The following ERC2 variants were observed in gnomAD, a reference collection of about 807,000 sequenced individuals.
ERC2 encodes ELKS/RAB6-interacting/CAST family member 2, also known as ERC protein 2.
ERC2 carries 42 observed loss-of-function variants against 114.8 expected under a neutral mutation model. The observed-to-expected ratio is 0.37, with a 90% CI of 0.29 to 0.47. The LOEUF (loss-of-function observed/expected upper bound fraction) is 0.47. Ranked by LOEUF, ERC2 falls within the 20% of genes least tolerant of loss-of-function variation. The pLI, the probability that ERC2 is intolerant of heterozygous loss-of-function variation, is 0.99. For missense variants in ERC2, 939 were observed against 1,150.7 expected (o/e 0.82, Z 2.66); for synonymous variants, 454 against 425.5 (o/e 1.07, Z -0.82).
intron 17 of ERC2, among the ~76,000 whole-genome samples, chr3:55,594,840 C>T (rs565305945): frequency 6.6e-6 from 1 of 152,142 alleles, no homozygotes; most frequent in East Asian, 1.9e-4. Context: ...TACATGATAA[C>T]CTTTCTCAGT....
intron 17 of ERC2, among the ~76,000 whole-genome samples, chr3:55,647,575 T>TA (rs1469183446): frequency 4.0e-5 from 6 of 151,714 alleles, no homozygotes; most frequent in African/African-American, 7.3e-5. Flanking sequence ...CAAGGAAAAT[T>TA]AAAAAAAGAG....
At chr3:55,572,139 A>C (rs999824128) in intron 17 of ERC2, among the ~76,000 whole-genome samples, 1 of 152,246 alleles carries the variant, frequency 6.6e-6, no homozygotes, top group East Asian at 1.9e-4. Context: ...ATCATGAGGC[A>C]TTCCAGCTAG....
intron 3 of ERC2, among the ~76,000 whole-genome samples, chr3:56,215,844 C>G (rs952998636): frequency 6.6e-6 from 1 of 152,180 alleles, no homozygotes; most frequent in Non-Finnish European, 1.5e-5. Context: ...GAAACTCACT[C>G]AAAACCGCTC....
chr3:55,999,394 C>A (rs2071854375), intron 10 of ERC2, among the ~76,000 whole-genome samples: 1 of 152,034 alleles, frequency 6.6e-6, no homozygotes, highest in Non-Finnish European at 1.5e-5. Context: ...TTCCTTTCGA[C>A]CCTAGAAATA....
At chr3:55,909,527 GA>G (rs2064674130) in intron 13 of ERC2, among the ~76,000 whole-genome samples, 1 of 124,396 alleles carries the variant, frequency 8.0e-6, no homozygotes, top group East Asian at 2.2e-4. Context: ...CTCACAGACA[GA>G]AGGGGTTTGA....
intron 15 of ERC2, among the ~76,000 whole-genome samples, chr3:55,726,287 G>T (rs1387220332): frequency 6.6e-6 from 1 of 152,212 alleles, no homozygotes; most frequent in Non-Finnish European, 1.5e-5. Context: ...CACAACAGGA[G>T]GCTATGGGAA....
chr3:56,096,511 C>CA (rs1560166236), intron 6 of ERC2, among the ~76,000 whole-genome samples: 1 of 151,238 alleles, frequency 6.6e-6, no homozygotes, highest in Non-Finnish European at 1.5e-5. Flanking sequence ...TGGTATGAAG[C>CA]AAAAAAAGGG....
At chr3:55,871,403 C>T (rs1030786977) in intron 14 of ERC2, among the ~76,000 whole-genome samples, 6 of 152,152 alleles carry the variant, frequency 3.9e-5, no homozygotes, top group Admixed American at 2.6e-4. Flanking sequence ...TCAGACCTCA[C>T]CAGAGATTCA....
chr3:55,936,416 T>C (rs2066448731), intron 13 of ERC2, among the ~76,000 whole-genome samples: 3 of 152,212 alleles, frequency 2.0e-5, no homozygotes, highest in African/African-American at 2.4e-5. Flanking sequence ...TATGTGCTCA[T>C]GGGAAAGACA....
rs576470238 is a variant in ERC2 at position 56,110,546 on chromosome 3, T to C, written c.1473+28963A>G. The stretch of plus-strand genomic sequence containing the variant: ...ATTTTGGCTATATTATAAATGCAAC[T>C]ATATTTAATATAATGTACATACAAC... On this transcript the variant is annotated intron_variant, in intron 6 of 17. Coordinates refer to ENST00000288221, the MANE Select transcript of ERC2 (RefSeq NM_015576.3). Among the ~76,000 whole-genome samples, 12 of 152,298 alleles carry C rather than the reference T, an allele frequency of 7.9e-5. No homozygotes were observed. The South Asian group carries it at 2.3e-3, about 29-fold the overall frequency.
At chr3:55,959,349 T>C (rs2068199888) in intron 12 of ERC2, among the ~76,000 whole-genome samples, 1 of 152,176 alleles carries the variant, frequency 6.6e-6, no homozygotes, top group Non-Finnish European at 1.5e-5. Flanking sequence ...CCACCTTAAA[T>C]GTAAACAGAA....
chr3:55,817,842 G>A (rs1190275730), intron 14 of ERC2, among the ~76,000 whole-genome samples: 1 of 152,204 alleles, frequency 6.6e-6, no homozygotes, highest in Non-Finnish European at 1.5e-5. Context: ...GTAAATGTTA[G>A]TCTCATTATC....
At chr3:55,521,281 C>A (rs2052915754) in intron 17 of ERC2, among the ~76,000 whole-genome samples, 1 of 152,174 alleles carries the variant, frequency 6.6e-6, no homozygotes, top group African/African-American at 2.4e-5. Flanking sequence ...TGCCTTAGGC[C>A]AGAGCAAGTG....
At chr3:55,541,860 A>G (rs2054419574) in intron 17 of ERC2, among the ~76,000 whole-genome samples, 1 of 152,214 alleles carries the variant, frequency 6.6e-6, no homozygotes, top group African/African-American at 2.4e-5. Context: ...TAATATGCCA[A>G]GTCAATGTTT....
At chr3:55,933,798 C>T (rs889348341) in intron 13 of ERC2, among the ~76,000 whole-genome samples, 2 of 152,166 alleles carry the variant, frequency 1.3e-5, no homozygotes, top group Non-Finnish European at 2.9e-5. Context: ...ACCTCCAGTG[C>T]GTGGGTATGC....
At chr3:55,968,831 A>T (rs1312686161) in intron 12 of ERC2, among the ~76,000 whole-genome samples, 1 of 152,162 alleles carries the variant, frequency 6.6e-6, no homozygotes, top group Non-Finnish European at 1.5e-5. Context: ...TCACTACCCT[A>T]TTGGATTTCT....
At chr3:56,070,871 G>C (rs2076705176) in intron 7 of ERC2, among the ~76,000 whole-genome samples, 1 of 152,078 alleles carries the variant, frequency 6.6e-6, no homozygotes, top group Non-Finnish European at 1.5e-5. Flanking sequence ...GCCTCTTCCT[G>C]CCAAACCTTT....
intron 3 of ERC2, among the ~76,000 whole-genome samples, chr3:56,190,059 G>A (rs6783356): frequency 0.079 from 12,047 of 152,170 alleles, 640 homozygotes; most frequent in Admixed American, 0.15. Context: ...CAAGTATGAG[G>A]CTAAGCGACA....
At chr3:55,682,359 T>C (rs1397933736) in intron 17 of ERC2, among the ~76,000 whole-genome samples, 1 of 152,178 alleles carries the variant, frequency 6.6e-6, no homozygotes, top group Non-Finnish European at 1.5e-5. Flanking sequence ...AGAGATGAGA[T>C]ACTTCTGTAT....
Sources: allele counts gnomAD v4.1 joint callset (sites outside exome capture counted in the v4.1 genomes callset), GRCh38; gene constraint gnomAD v4.1.1; transcripts MANE v1.5; gene names NCBI Gene and HGNC (gene_info 2026-07-23, HGNC 2026-07-21).